Variants in CDC45 observed in about 807,000 individuals in gnomAD.
The protein encoded by CDC45 is cell division cycle 45.
In CDC45, 54 loss-of-function variants were observed where a neutral mutation model predicts 77.8. The ratio of observed to expected loss-of-function variants is 0.69; its 90% CI spans 0.56 to 0.87. The LOEUF is 0.87. Among genes scored for constraint, CDC45 ranks in the 40% least tolerant of loss-of-function variants. The pLI, the probability that CDC45 is intolerant of heterozygous loss-of-function variation, is 0.00. For synonymous variants in CDC45, 260 were observed against 272.1 expected (o/e 0.96, Z 0.44); for missense variants, 649 against 721.6 (o/e 0.90, Z 1.15).
intron 13 of CDC45, among the ~76,000 whole-genome samples, chr22:19,513,770 T>C (rs1933636162): frequency 6.6e-6 from 1 of 152,254 alleles, no homozygotes. Context: ...TGACAATATC[T>C]TTATTTTACT....
At chr22:19,500,599 C>T (rs542736574) in intron 9 of CDC45, among the ~76,000 whole-genome samples, 25 of 152,048 alleles carry the variant, frequency 1.6e-4, no homozygotes, top group Admixed American at 4.6e-4. Context: ...TGAGCTGCTC[C>T]GAAGGACCCC....
chr22:19,508,967 AG>A (rs762580361), intron 13 of CDC45, among the ~76,000 whole-genome samples: 3 of 152,104 alleles, frequency 2.0e-5, no homozygotes, highest in Admixed American at 6.5e-5. Context: ...TCTTAACAAA[AG>A]GCATTATTTG....
intron 9 of CDC45, chr22:19,505,016 T>C (rs1326917278): frequency 3.5e-6 from 1 of 282,590 alleles, no homozygotes; most frequent in African/African-American, 2.2e-5. Flanking sequence ...GTAAAGTTTA[T>C]AGGGAACATT....
intron 2 of CDC45, 141 bp downstream of exon 2, chr22:19,480,358 G>A (rs1275438026): frequency 6.3e-6 from 5 of 790,300 alleles, no homozygotes; most frequent in East Asian, 2.5e-5. Context: ...TGAACAGCAA[G>A]TGAGAGGAGA....
intron 5 of CDC45, among the ~76,000 whole-genome samples, chr22:19,487,927 A>G (rs2090097367): frequency 6.6e-6 from 1 of 151,748 alleles, no homozygotes; most frequent in African/African-American, 2.4e-5. Context: ...AAAAAAAAAA[A>G]AAAAAGAGTT....
At chr22:19,500,219 G>A (rs183907157) in intron 9 of CDC45, among the ~76,000 whole-genome samples, 74 of 152,360 alleles carry the variant, frequency 4.9e-4, no homozygotes, top group African/African-American at 1.6e-3. Flanking sequence ...CACGGTCACT[G>A]TCCTGGTTGG....
At chr22:19,507,708 T>C in intron 11 of CDC45, 58 bp from the exon 12 acceptor site, 3 of 1,446,586 alleles carry the variant, frequency 2.1e-6, no homozygotes, top group Non-Finnish European at 2.9e-6. Flanking sequence ...TTGGGTTTCT[T>C]TCCACCCTGT....
intron 9 of CDC45, among the ~76,000 whole-genome samples, chr22:19,503,788 A>G (rs1371890011): frequency 6.6e-6 from 1 of 152,252 alleles, no homozygotes; most frequent in Admixed American, 6.5e-5. Flanking sequence ...TCGAGACTTC[A>G]GAGGGAGCCA....
At chr22:19,484,994 A>G (rs2090043928) in intron 5 of CDC45, among the ~76,000 whole-genome samples, 1 of 151,624 alleles carries the variant, frequency 6.6e-6, no homozygotes. Context: ...GCTGGCCTCA[A>G]ACTTCGGGCT....
intron 11 of CDC45, 121 bp from the exon 12 acceptor site, chr22:19,507,645 T>A (rs1933273481): frequency 2.9e-6 from 4 of 1,376,752 alleles, no homozygotes; most frequent in South Asian, 1.3e-5. Flanking sequence ...TTGCCCTAGA[T>A]CCCAGAATAT....
intron 3 of CDC45, 108 bp from the exon 4 acceptor site, chr22:19,482,582 A>T: frequency 8.1e-7 from 1 of 1,235,170 alleles, no homozygotes; most frequent in Non-Finnish European, 1.1e-6. Flanking sequence ...GGGCCTCGCC[A>T]CATGTCAGGG....
At chr22:19,497,753 A>G (rs1394606099) in intron 8 of CDC45, among the ~76,000 whole-genome samples, 1 of 152,176 alleles carries the variant, frequency 6.6e-6, no homozygotes, top group Non-Finnish European at 1.5e-5. Flanking sequence ...GAGGAGTGTG[A>G]GATTTGAAGG....
rs1000729743 is a variant in CDC45 at position 19,500,527 on chromosome 22, G to A, written c.704+1376G>A. Among the ~76,000 whole-genome samples, 8 of 152,224 alleles carry A rather than the reference G, an allele frequency of 5.3e-5. No homozygotes were observed. The South Asian group carries it at 1.7e-3, about 32-fold the overall frequency. ...TCCATAGATCACAACTTGAACCTTA[G>A]GAAATGCCGTTTTCCCTTTGAGATA... On this transcript the variant is annotated intron_variant, in intron 9 of 18. Coordinates refer to ENST00000263201, the MANE Select transcript of CDC45 (RefSeq NM_003504.5).
rs1182752672 is a variant in CDC45, at chr22:19,520,272, G to A, written c.*2-209G>A. Among the ~76,000 whole-genome samples the A allele has an allele frequency of 6.6e-6, 1 of 152,082 alleles. No homozygotes were observed. The highest frequency in any genetic ancestry group is 2.4e-5 in the African/African-American group (1 of 41,398). ...GTGAGGTAAGAAGGTGCCCGGGCCA[G>A]GGGGCAGGAGCTCTGATGTAGGACA... On this transcript the variant is annotated intron_variant, in intron 18 of 18. Transcript: ENST00000263201. The surrounding 1 kb of genome is among the most constrained non-coding windows in gnomAD (Gnocchi z 4.5).
intron 5 of CDC45, among the ~76,000 whole-genome samples, chr22:19,492,496 G>A (rs959143853): frequency 6.6e-6 from 1 of 151,674 alleles, no homozygotes; most frequent in African/African-American, 2.4e-5. Context: ...AGGCTTCCCG[G>A]CTTTCATTTG....
intron 4 of CDC45, among the ~76,000 whole-genome samples, chr22:19,483,657 C>T (rs569372355): frequency 1.0e-3 from 159 of 152,252 alleles, no homozygotes; most frequent in African/African-American, 3.7e-3. Context: ...CTGCATACCA[C>T]GTATGGTGTA....
Position 19,514,882 on chromosome 22 carries a change from A to G in CDC45, c.1351A>G (p.Met451Val), listed in dbSNP as rs1933695229. 1 of 1,613,984 alleles carries G rather than the reference A, an allele frequency of 6.2e-7. No individual in the cohort carries two copies. The highest frequency in any genetic ancestry group is 2.2e-5 in the East Asian group (1 of 44,876). ...GGGGCCTTTCCTGTACTGCTCTCTC[A>G]TGGAGGTCAGGCTTCCCACAGAGCA... ...SQGPFLYCSL[M>V]EGTPDVMLFS... Residue 451 changes from methionine (M) to valine (V), a missense_variant, in exon 14 of 19, where the codon ATG becomes GTG. By Grantham distance (21) the Met-to-Val change is conservative. Coordinates refer to ENST00000263201, the MANE Select transcript of CDC45 (RefSeq NM_003504.5).
rs201996195 is a variant in CDC45, at chr22:19,503,859, G to A, written c.705-1503G>A. 3.9e-3 allele frequency among the ~76,000 whole-genome samples: 590 copies of A among 152,344 alleles called. 4 individuals are homozygous for A. The highest frequency in any genetic ancestry group is 0.014 in the African/African-American group (571 of 41,572). ...GGCCAGCAAATCAGAGGAGAAAAGG[G>A]TGCTGGTTGCACGGAGAAAACTTAC... On this transcript the variant is annotated intron_variant, in intron 9 of 18. Transcript: ENST00000263201.
In CDC45 at chr22:19,508,553, C is replaced by T. The variant is rs769077151; in HGVS notation, c.1079C>T (p.Thr360Ile). ...KFGMKDMRVQ[T>I]FSIHFGFKHK... ...AGGATGAAGGACATGCGCGTGCAGA[C>T]TTTCAGCATTCATTTTGGGTTCAAG... Residue 360 changes from threonine to isoleucine, a missense_variant, in exon 13 of 19, where the codon ACT becomes ATT. Physicochemically the swap from Thr to Ile is moderately conservative, Grantham distance 89 (BLOSUM62 -1). Transcript: ENST00000263201. The T allele has an allele frequency of 1.2e-6, 2 of 1,614,250 alleles. No homozygotes were observed. Among genetic ancestry groups the T allele is most frequent in the East Asian group, 2.2e-5 (1 of 44,880 alleles).
Sources: allele counts gnomAD v4.1 joint callset (sites outside exome capture counted in the v4.1 genomes callset), GRCh38; gene constraint gnomAD v4.1.1; non-coding constraint Gnocchi (gnomAD v3.1); transcripts MANE v1.5; gene names NCBI Gene and HGNC (gene_info 2026-07-23, HGNC 2026-07-21).